RIPOR3: variants seen among roughly 807,000 people sequenced by gnomAD.
The protein encoded by RIPOR3 is family with sequence similarity 65 member C.
Under a neutral mutation model 114.3 loss-of-function variants are expected in RIPOR3, and 95 were observed. That is an observed-to-expected ratio of 0.83 (90% CI 0.70 to 0.99). The LOEUF (loss-of-function observed/expected upper bound fraction) is 0.99. RIPOR3 is among the 50% of genes least tolerant of loss of function. The probability of loss-of-function intolerance (pLI) is 0.00; values close to 1 mark genes in which losing one functional copy is unlikely to be tolerated. For synonymous variants in RIPOR3, 575 were observed against 543.8 expected, an observed-to-expected ratio of 1.06 and a Z score of -0.80; for missense variants, 1,252 against 1,266.9, an observed-to-expected ratio of 0.99 and a Z score of 0.18.
Position 50,674,599 on chromosome 20 carries a change from G to C in RIPOR3, c.3+16527C>G, listed in dbSNP as rs952595436. The stretch of plus-strand genomic sequence containing the variant: ...CTTTGCAAATGTAATTAGTTAAGAT[G>C]AGGTCATACTAGATTAGGGTAGGCC... On this transcript the variant is annotated intron_variant, in intron 1 of 21. Coordinates refer to ENST00000327979, the MANE Select transcript of RIPOR3 (RefSeq NM_001290268.2). 2.0e-5 allele frequency among the ~76,000 whole-genome samples: 3 copies of C among 147,786 alleles called. No individual in the cohort carries two copies. The Admixed American group carries it at 2.1e-4, about 10-fold the overall frequency.
chr20:50,587,082 TG>T lies in RIPOR3; in HGVS notation c.*149del. The T allele has an allele frequency of 3.1e-6, 2 of 640,826 alleles. No homozygotes were observed. Among genetic ancestry groups the T allele is most frequent in the East Asian group, 2.7e-5 (1 of 36,556 alleles). The allele number at this position is 640,826 out of a possible 1,614,324, so 39.7% of individuals were successfully genotyped here. On this transcript the variant is annotated 3_prime_UTR_variant, in exon 22 of 22. Transcript: ENST00000327979. The stretch of plus-strand genomic sequence containing the variant: ...AAAAGACCAGCCCATGCCCTGGGGC[TG>T]GGTCAATGGCCGGAGTCTCAGGTAG...
At chr20:50,589,414 G>A (rs757436494) in intron 20 of RIPOR3, among the ~76,000 whole-genome samples, 1 of 151,068 alleles carries the variant, frequency 6.6e-6, no homozygotes, top group African/African-American at 2.4e-5. Flanking sequence ...TTCAAGTCCC[G>A]AGTAGCTGGG....
At chr20:50,645,272 G>T (rs1055881838) in intron 1 of RIPOR3, among the ~76,000 whole-genome samples, 1 of 152,164 alleles carries the variant, frequency 6.6e-6, no homozygotes, top group Non-Finnish European at 1.5e-5. Context: ...GCCCAGGAAG[G>T]CAGGAGCACC....
intron 1 of RIPOR3, among the ~76,000 whole-genome samples, chr20:50,662,646 C>A (rs767587908): frequency 2.6e-4 from 40 of 152,338 alleles, no homozygotes; most frequent in Admixed American, 5.2e-4. Context: ...ACAGTTCATA[C>A]CTTCTCTCGT....
intron 4 of RIPOR3, among the ~76,000 whole-genome samples, chr20:50,613,421 C>T (rs150501180): frequency 3.1e-4 from 47 of 151,850 alleles, no homozygotes; most frequent in African/African-American, 1.1e-3. Context: ...ACACTGGACT[C>T]CAGCCTGGGT....
Position 50,627,859 on chromosome 20 carries a change from C to T in RIPOR3, c.122+2879G>A, listed in dbSNP as rs150743398. On this transcript the variant is annotated intron_variant, in intron 2 of 21. Coordinates refer to ENST00000327979, the MANE Select transcript of RIPOR3 (RefSeq NM_001290268.2). The stretch of plus-strand genomic sequence containing the variant: ...ATCAAAGTACAGAGCACAGGCTACA[C>T]GCTCATGAAGCCGCCCTTGGGTACA... Among the ~76,000 whole-genome samples the T allele has an allele frequency of 9.7e-3, 1,472 of 152,336 alleles. 16 individuals are homozygous for T. The highest frequency in any genetic ancestry group is 0.016 in the Non-Finnish European group (1,065 of 68,032).
chr20:50,609,390 C>T, intron 7 of RIPOR3, 34 bp from the exon 8 acceptor site: 1 of 1,608,322 alleles, frequency 6.2e-7, no homozygotes, highest in Non-Finnish European at 8.5e-7. Context: ...AGCTGGCTGC[C>T]TGGGGCTAGG....
chr20:50,689,038 C>T (rs1010745895), intron 1 of RIPOR3, among the ~76,000 whole-genome samples: 5 of 152,176 alleles, frequency 3.3e-5, no homozygotes, highest in African/African-American at 1.2e-4. Flanking sequence ...AGGGTTGTTA[C>T]AACCGACACC....
At position 50,638,983 on chromosome 20, in the gene RIPOR3, T is replaced by C. The variant is rs1299169269; in HGVS notation, c.4-8127A>G. Among the ~76,000 whole-genome samples the C allele has an allele frequency of 5.3e-5, 8 of 152,310 alleles. No individual in the cohort carries two copies. The East Asian group carries it at 1.5e-3, about 29-fold the overall frequency. ...CAGGCCGGGCGCAGTGGCTCATGCC[T>C]ATAATCCCAGCACTTTGGGAGGCCA... On this transcript the variant is annotated intron_variant, in intron 1 of 21. Coordinates refer to ENST00000327979, the MANE Select transcript of RIPOR3 (RefSeq NM_001290268.2).
chr20:50,602,012 ACTC>A lies in RIPOR3; in HGVS notation c.1659+57_1659+59del. 7.1e-7 allele frequency: 1 copy of A among 1,417,132 alleles called. No individual in the cohort carries two copies. Among genetic ancestry groups the A allele is most frequent in the Non-Finnish European group, 9.2e-7 (1 of 1,081,804 alleles). The allele number at this position is 1,417,132 out of a possible 1,614,324, so 87.8% of individuals were successfully genotyped here. ...AGGCTGCGTGGCCCCAGAGCCCCCG[ACTC>A]CCAGTCATCATGCCATCAGCAAAGC... is the stretch of plus-strand genomic sequence containing the variant. On this transcript the variant is annotated intron_variant, in intron 13 of 21. Transcript: ENST00000327979. The surrounding 1 kb of genome is among the most constrained non-coding windows in gnomAD (Gnocchi z 4.3).
At chr20:50,590,759 G>A (rs1459850125) in intron 19 of RIPOR3, among the ~76,000 whole-genome samples, 1 of 151,542 alleles carries the variant, frequency 6.6e-6, no homozygotes, top group African/African-American at 2.4e-5. Flanking sequence ...TCACTGGGTT[G>A]GCCCCCACCT....
intron 2 of RIPOR3, among the ~76,000 whole-genome samples, chr20:50,628,022 A>C (rs1294179127): frequency 4.6e-5 from 7 of 152,250 alleles, no homozygotes; most frequent in African/African-American, 1.7e-4. Flanking sequence ...TAACCCGCAC[A>C]GCTGACCTTC....
intron 1 of RIPOR3, among the ~76,000 whole-genome samples, chr20:50,680,439 T>C (rs2086820754): frequency 6.6e-6 from 1 of 152,252 alleles, no homozygotes; most frequent in Admixed American, 6.5e-5. Context: ...AGCCAATATG[T>C]TGGTGTTGAG....
intron 1 of RIPOR3, among the ~76,000 whole-genome samples, chr20:50,667,555 G>T (rs892589839): frequency 1.6e-4 from 24 of 152,184 alleles, no homozygotes; most frequent in Non-Finnish European, 3.1e-4. Flanking sequence ...GCCTCCCAAA[G>T]TGCTGGGATT....
rs951061844 is a variant in RIPOR3 at position 50,597,614 on chromosome 20, C to T, written c.1756G>A (p.Glu586Lys). ...TGGGAGCCCCCAAACAGGGACAGCT[C>T]ATCCAGGGCGAAGTCGGCATTGAGG... is the stretch of plus-strand genomic sequence containing the variant. ...AFLNADFALDELSLFGGSQGL... is the reference protein window; with the variant it reads ...AFLNADFALDKLSLFGGSQGL... The change falls in exon 14 of 22, where the codon GAG (glutamate) becomes AAG (lysine). Residue 586 changes from glutamate (E) to lysine (K), a missense_variant. Transcript: ENST00000327979. 4 of 1,610,792 alleles carry T rather than the reference C, an allele frequency of 2.5e-6. No individual in the cohort carries two copies. Among genetic ancestry groups the T allele is most frequent in the African/African-American group, 1.3e-5 (1 of 74,846 alleles).
At chr20:50,595,781 A>G (rs972682017) in intron 15 of RIPOR3, among the ~76,000 whole-genome samples, 2 of 152,226 alleles carry the variant, frequency 1.3e-5, no homozygotes, top group Non-Finnish European at 2.9e-5. Context: ...CCTAGTCCTG[A>G]TAGCATTTGA....
chr20:50,644,634 C>A (rs548950271), intron 1 of RIPOR3, among the ~76,000 whole-genome samples: 27 of 150,632 alleles, frequency 1.8e-4, no homozygotes, highest in Non-Finnish European at 3.5e-4. Context: ...CAGGCATGTG[C>A]CACCATGACC....
chr20:50,663,926 T>TC (rs1491171001), intron 1 of RIPOR3, among the ~76,000 whole-genome samples: 1,871 of 17,104 alleles, frequency 0.11, 30 homozygotes, highest in African/African-American at 0.2. Flanking sequence ...TCTCTCTCTC[T>TC]TTTTTTTTTT....
intron 1 of RIPOR3, among the ~76,000 whole-genome samples, chr20:50,656,881 G>A (rs1858558210): frequency 6.6e-6 from 1 of 152,158 alleles, no homozygotes; most frequent in Non-Finnish European, 1.5e-5. Context: ...TCCTATGGAT[G>A]GAAATAGAAG....
Sources: gnomAD v4.1 joint callset for allele counts (sites outside exome capture counted in the v4.1 genomes callset) on GRCh38, gnomAD v4.1.1 for gene constraint, Gnocchi (gnomAD v3.1) non-coding constraint, MANE v1.5 for transcripts, NCBI Gene and HGNC (gene_info 2026-07-23, HGNC 2026-07-21) for gene names.